RUNDC3B: variants seen among roughly 807,000 people sequenced by gnomAD.
RUNDC3B encodes RUN domain-containing protein 3B.
In RUNDC3B, 33 loss-of-function variants were observed where a neutral mutation model predicts 58.4. The observed-to-expected ratio is 0.56, with a 90% CI of 0.43 to 0.75. RUNDC3B has a LOEUF of 0.75. RUNDC3B is among the 30% of genes least tolerant of loss of function. RUNDC3B has a pLI of 0.00. For missense variants in RUNDC3B, 501 were observed against 535.7 expected, an observed-to-expected ratio of 0.94 and a Z score of 0.64; for synonymous variants, 193 against 195.2, an observed-to-expected ratio of 0.99 and a Z score of 0.10.
At chr7:87,671,468 G>T (rs150712344) in intron 2 of RUNDC3B, among the ~76,000 whole-genome samples, 8 of 152,220 alleles carry the variant, frequency 5.3e-5, no homozygotes, top group Non-Finnish European at 8.8e-5. Flanking sequence ...TAACACTCTG[G>T]CCAATTTTCC....
chr7:87,717,598 C>T (rs909931709), intron 4 of RUNDC3B, among the ~76,000 whole-genome samples: 1 of 151,836 alleles, frequency 6.6e-6, no homozygotes, highest in Non-Finnish European at 1.5e-5. Flanking sequence ...ATGATAATTT[C>T]CTACAGAAAT....
At chr7:87,740,684 A>C (rs1242512652) in intron 5 of RUNDC3B, among the ~76,000 whole-genome samples, 1 of 152,184 alleles carries the variant, frequency 6.6e-6, no homozygotes, top group Non-Finnish European at 1.5e-5. Flanking sequence ...TTTTATAGTA[A>C]AGCACTTCCT....
In RUNDC3B at chr7:87,710,576, GC is replaced by G; in HGVS notation, c.381del (p.Trp128GlyfsTer4). ...NVSSSRAKGRAWIRVALMEKH... is the reference protein window; with the variant it reads ...NVSSSRAKGRXWIRVALMEKH... ...TCTTTCTTCTTCCTTTTAGGGTAGA[GC>G]CTGGATCAGAGTAGCACTCATGGAA... is the stretch of plus-strand genomic sequence containing the variant. On this transcript the variant is annotated frameshift_variant, in exon 4 of 11. Transcript: ENST00000394654. LOFTEE classifies it high-confidence loss of function. The G allele has an allele frequency of 1.3e-6, 2 of 1,572,594 alleles. No homozygotes were observed. The highest frequency in any genetic ancestry group is 8.7e-7 in the Non-Finnish European group (1 of 1,153,458).
At chr7:87,820,757 C>A (rs1229608335) in intron 10 of RUNDC3B, among the ~76,000 whole-genome samples, 1 of 151,164 alleles carries the variant, frequency 6.6e-6, no homozygotes, top group Non-Finnish European at 1.5e-5. Context: ...TAAATGTAAT[C>A]CAGCATATAA....
intron 6 of RUNDC3B, among the ~76,000 whole-genome samples, chr7:87,752,617 T>C (rs1410876341): frequency 6.6e-6 from 1 of 152,214 alleles, no homozygotes; most frequent in Non-Finnish European, 1.5e-5. Context: ...AGTGTATGTG[T>C]TGAGGAATTT....
At chr7:87,729,981 G>A (rs2130791695) in intron 4 of RUNDC3B, among the ~76,000 whole-genome samples, 1 of 152,302 alleles carries the variant, frequency 6.6e-6, no homozygotes, top group Non-Finnish European at 1.5e-5. Flanking sequence ...GCCTGGGCCA[G>A]AAGGGTACCC....
At chr7:87,710,483 C>A (rs1019450105) in intron 3 of RUNDC3B, 87 bp from the exon 4 acceptor site, 3 of 725,056 alleles carry the variant, frequency 4.1e-6, no homozygotes, top group Admixed American at 2.8e-5. Flanking sequence ...AATGGCTGTT[C>A]TTTACATATT....
At chr7:87,675,134 G>T (rs1826197302) in intron 2 of RUNDC3B, among the ~76,000 whole-genome samples, 1 of 152,202 alleles carries the variant, frequency 6.6e-6, no homozygotes, top group Non-Finnish European at 1.5e-5. Flanking sequence ...CCCAGAAGAT[G>T]CTGGGGGCTA....
intron 1 of RUNDC3B, among the ~76,000 whole-genome samples, chr7:87,638,548 T>C (rs1370679825): frequency 6.6e-6 from 1 of 152,124 alleles, no homozygotes; most frequent in Non-Finnish European, 1.5e-5. Context: ...AGATTTCCTG[T>C]GTCTTCTGGT....
intron 1 of RUNDC3B, among the ~76,000 whole-genome samples, chr7:87,640,726 ATTC>A (rs1235492091): frequency 1.3e-5 from 2 of 151,806 alleles, no homozygotes; most frequent in East Asian, 1.9e-4. Context: ...CATGGTTTCT[ATTC>A]TTCTTTCTCT....
chr7:87,786,409 T>G (rs1835219856), intron 8 of RUNDC3B, among the ~76,000 whole-genome samples: 1 of 152,060 alleles, frequency 6.6e-6, no homozygotes. Flanking sequence ...GTTTACATAT[T>G]TTTTCTTCTT....
intron 10 of RUNDC3B, among the ~76,000 whole-genome samples, chr7:87,824,805 AT>A (rs755180521): frequency 3.4e-4 from 52 of 152,268 alleles, no homozygotes; most frequent in South Asian, 1.2e-3. Flanking sequence ...CTCTTGTTAT[AT>A]TTTAGCAAAG....
At chr7:87,782,991 A>G (rs1316946977) in intron 8 of RUNDC3B, among the ~76,000 whole-genome samples, 1 of 152,144 alleles carries the variant, frequency 6.6e-6, no homozygotes, top group Admixed American at 6.5e-5. Context: ...GGACAAGTCA[A>G]ATTTACATCC....
At chr7:87,705,720 TATCTC>T (rs1439312433) in intron 3 of RUNDC3B, among the ~76,000 whole-genome samples, 1 of 152,208 alleles carries the variant, frequency 6.6e-6, no homozygotes, top group African/African-American at 2.4e-5. Flanking sequence ...GGCACTGACT[TATCTC>T]ATTCTTTTCT....
intron 6 of RUNDC3B, among the ~76,000 whole-genome samples, chr7:87,768,079 C>A (rs1039707312): frequency 1.3e-5 from 2 of 152,054 alleles, no homozygotes; most frequent in African/African-American, 4.8e-5. Context: ...TTATTTAAGC[C>A]CAGGTGATAG....
intron 3 of RUNDC3B, among the ~76,000 whole-genome samples, chr7:87,705,412 C>T (rs1214414127): frequency 1.3e-5 from 2 of 152,012 alleles, no homozygotes; most frequent in East Asian, 3.8e-4. Flanking sequence ...GGCAACAGAG[C>T]GAGACTCCAT....
chr7:87,721,177 T>A (rs891016127), intron 4 of RUNDC3B, among the ~76,000 whole-genome samples: 12 of 151,480 alleles, frequency 7.9e-5, no homozygotes, highest in Non-Finnish European at 1.8e-4. Context: ...TAGCAGGCTA[T>A]TTTTAGGTAA....
Position 87,679,481 on chromosome 7 carries a change from C to A in RUNDC3B, c.239-20940C>A, listed in dbSNP as rs964935907. Reference sequence around the variant, plus strand: ...ATGGCTCACCACAGCCTCCACATCCCCAAGCTCAAATGATTCTCCCACCTC... The same window carrying A: ...ATGGCTCACCACAGCCTCCACATCCACAAGCTCAAATGATTCTCCCACCTC... On this transcript the variant is annotated intron_variant, in intron 2 of 10. Transcript: ENST00000394654. 4.0e-5 allele frequency among the ~76,000 whole-genome samples: 6 copies of A among 149,852 alleles called. 1 individual carries two copies. The highest frequency in any genetic ancestry group is 5.9e-5 in the Non-Finnish European group (4 of 67,740).
chr7:87,716,915 T>G (rs1830584620), intron 4 of RUNDC3B, among the ~76,000 whole-genome samples: 1 of 152,222 alleles, frequency 6.6e-6, no homozygotes, highest in Admixed American at 6.5e-5. Context: ...TGGCTCACTA[T>G]AGCCTTGACC....
Sources: gnomAD v4.1 joint callset for allele counts (sites outside exome capture counted in the v4.1 genomes callset) on GRCh38, gnomAD v4.1.1 for gene constraint, MANE v1.5 for transcripts, NCBI Gene and HGNC (gene_info 2026-07-23, HGNC 2026-07-21) for gene names.